The following GLIS1 variants were observed in gnomAD, a reference collection of about 807,000 sequenced individuals.
GLIS1 encodes the protein zinc finger protein GLIS1.
GLIS1 carries 24 observed loss-of-function variants against 63.8 expected under a neutral mutation model. The ratio of observed to expected loss-of-function variants is 0.38; its 90% confidence interval spans 0.27 to 0.53. The LOEUF (loss-of-function observed/expected upper bound fraction) is 0.53. Among genes scored for constraint, GLIS1 ranks in the 20% least tolerant of loss-of-function variants. GLIS1 has a pLI of 0.85. For missense variants in GLIS1, 1,036 were observed against 1,074.1 expected (o/e 0.96, Z 0.50); for synonymous variants, 450 against 482.5 (o/e 0.93, Z 0.88).
intron 2 of GLIS1, among the ~76,000 whole-genome samples, chr1:53,698,335 G>A (rs1236760856): frequency 6.6e-6 from 1 of 152,174 alleles, no homozygotes; most frequent in Non-Finnish European, 1.5e-5. Flanking sequence ...AGTCCCTGAT[G>A]TCAAGGAACA....
At chr1:53,546,011 A>G (rs955032776) in intron 4 of GLIS1, among the ~76,000 whole-genome samples, 12 of 152,234 alleles carry the variant, frequency 7.9e-5, no homozygotes, top group Admixed American at 7.2e-4. Context: ...AGGATTAAGG[A>G]AGACATGGAT....
intron 2 of GLIS1, among the ~76,000 whole-genome samples, chr1:53,712,977 G>A (rs1216409146): frequency 6.6e-6 from 1 of 152,174 alleles, no homozygotes; most frequent in African/African-American, 2.4e-5. Context: ...GAGGCAGAGA[G>A]AAACCAAGGT....
intron 2 of GLIS1, among the ~76,000 whole-genome samples, chr1:53,652,491 T>C (rs897423283): frequency 3.3e-5 from 5 of 152,114 alleles, no homozygotes; most frequent in African/African-American, 1.2e-4. Flanking sequence ...CCAGGGGATC[T>C]CTGGAAGCCC....
At chr1:53,660,935 G>T (rs1646021158) in intron 2 of GLIS1, among the ~76,000 whole-genome samples, 1 of 152,200 alleles carries the variant, frequency 6.6e-6, no homozygotes, top group Admixed American at 6.5e-5. Flanking sequence ...ATTCACCACA[G>T]GGGGAGGTGG....
chr1:53,733,285 ATTTTGTT>A (rs952136274), intron 2 of GLIS1, among the ~76,000 whole-genome samples: 15 of 152,276 alleles, frequency 9.9e-5, no homozygotes, highest in South Asian at 2.1e-4. Context: ...GATGAGGTTC[ATTTTGTT>A]TTTTGTTTTT....
intron 3 of GLIS1, among the ~76,000 whole-genome samples, chr1:53,599,828 C>T (rs1333252077): frequency 6.6e-6 from 1 of 152,244 alleles, no homozygotes; most frequent in Non-Finnish European, 1.5e-5. Flanking sequence ...CCAACCTACC[C>T]ATGAATCTTC....
In GLIS1 at chr1:53,677,799, A is replaced by G. The variant is rs554389834; in HGVS notation, c.259+60007T>C. ...TCTGTCATCACCTCAAGAACTGCCC[A>G]TCTGTAGGCGTTCCTCCAAGCCTTC... On this transcript the variant is annotated intron_variant, in intron 2 of 10. Coordinates refer to ENST00000628545, the MANE Select transcript of GLIS1 (RefSeq NM_001367484.1). Among the ~76,000 whole-genome samples, 14 of 152,234 alleles carry G rather than the reference A, an allele frequency of 9.2e-5. 1 individual carries two copies. The South Asian group carries it at 1.5e-3, about 16-fold the overall frequency.
chr1:53,584,112 G>A (rs1369415627), intron 4 of GLIS1, among the ~76,000 whole-genome samples: 1 of 152,144 alleles, frequency 6.6e-6, no homozygotes, highest in Admixed American at 6.5e-5. Flanking sequence ...GAGCCCCAGT[G>A]TCCTCATCTG....
chr1:53,551,411 C>T (rs1202440060), intron 4 of GLIS1, among the ~76,000 whole-genome samples: 2 of 152,204 alleles, frequency 1.3e-5, no homozygotes, highest in Non-Finnish European at 2.9e-5. Flanking sequence ...AGGCCTTATG[C>T]AGAGGAGGGA....
chr1:53,594,247 C>G lies in GLIS1; in HGVS notation c.1181G>C (p.Ser394Thr). The G allele has an allele frequency of 6.2e-7, 1 of 1,613,754 alleles. No individual in the cohort carries two copies. The highest frequency in any genetic ancestry group is 8.5e-7 in the Non-Finnish European group (1 of 1,179,980). Residue 394 changes from serine (S) to threonine (T), a missense_variant, in exon 4 of 11, where the codon AGC (serine) becomes ACC (threonine). Ser to Thr is a moderately conservative substitution (Grantham distance 58). Around this residue, in one of 3 missense-constraint regions of GLIS1, gnomAD observed 592 missense variants for 593.9 expected, o/e 1.00. Transcript: ENST00000628545. ...QEELVRHIEK[S>T]HIDQRKGEDF... ...CTCGCCCTTGCGCTGGTCGATGTGG[C>G]TCTTCTCGATGTGCCGCACCAGCTC...
chr1:53,690,966 C>T (rs776906683), intron 2 of GLIS1, among the ~76,000 whole-genome samples: 2 of 152,200 alleles, frequency 1.3e-5, no homozygotes, highest in South Asian at 4.1e-4. Flanking sequence ...ATCTTCCTGA[C>T]GTTGTCCAGC....
In GLIS1 at chr1:53,529,965, C is replaced by T. The variant is rs192464845; in HGVS notation, c.1321-13G>A. ...TGCAGCCTTCAAACTGCAGGAGAGG[C>T]TGGTGAGGGGAACTCCCAGCCCGGT... is the stretch of plus-strand genomic sequence containing the variant. On this transcript the variant is annotated splice_polypyrimidine_tract_variant and intron_variant, in intron 4 of 10. Coordinates refer to ENST00000628545, the MANE Select transcript of GLIS1 (RefSeq NM_001367484.1). The T allele has an allele frequency of 5.5e-5, 88 of 1,611,040 alleles. No individual in the cohort carries two copies. The highest frequency in any genetic ancestry group is 2.7e-4 in the Admixed American group (16 of 59,878).
chr1:53,722,381 C>G (rs772284612), intron 2 of GLIS1, among the ~76,000 whole-genome samples: 3 of 152,132 alleles, frequency 2.0e-5, no homozygotes, highest in Non-Finnish European at 1.5e-5. Flanking sequence ...TATGCACATG[C>G]AAGTAATATA....
At chr1:53,542,133 A>T (rs1214197512) in intron 4 of GLIS1, among the ~76,000 whole-genome samples, 1 of 152,224 alleles carries the variant, frequency 6.6e-6, no homozygotes, top group Non-Finnish European at 1.5e-5. Context: ...CAGCAGACTC[A>T]GCCAGAGGAG....
chr1:53,691,324 C>T (rs1646402600), intron 2 of GLIS1, among the ~76,000 whole-genome samples: 1 of 152,192 alleles, frequency 6.6e-6, no homozygotes, highest in Non-Finnish European at 1.5e-5. Flanking sequence ...CCATCTGACC[C>T]AGCCCTGCTC....
At position 53,646,962 on chromosome 1, in the gene GLIS1, A is replaced by G. The variant is rs939427135; in HGVS notation, c.260-46684T>C. ...GAAGGAAAGGGAAGGGAAGGGAAGG[A>G]AAGGAAGGAAAGGAAGGAAAGGAAG... On this transcript the variant is annotated intron_variant, in intron 2 of 10. Coordinates refer to ENST00000628545, the MANE Select transcript of GLIS1 (RefSeq NM_001367484.1). The surrounding 1 kb of genome is among the most constrained non-coding windows in gnomAD (Gnocchi z 4.2). Among the ~76,000 whole-genome samples the G allele has an allele frequency of 8.9e-5, 9 of 101,414 alleles. No individual in the cohort carries two copies. Among genetic ancestry groups the G allele is most frequent in the African/African-American group, 3.5e-4 (8 of 22,790 alleles). 66.5% of individuals were successfully genotyped at this position (101,414 alleles called of 152,430 possible).
intron 2 of GLIS1, among the ~76,000 whole-genome samples, chr1:53,683,696 G>T (rs1557520131): frequency 6.6e-6 from 1 of 152,176 alleles, no homozygotes; most frequent in Non-Finnish European, 1.5e-5. Flanking sequence ...AATGACCGAG[G>T]TGCCCGGTAA....
chr1:53,610,769 G>A (rs77939835), intron 2 of GLIS1, among the ~76,000 whole-genome samples: 2,011 of 152,206 alleles, frequency 0.013, 12 homozygotes, highest in Non-Finnish European at 0.021. Context: ...TACTTTGCTC[G>A]TCGTCTTTCC....
chr1:53,700,147 C>T (rs540673825), intron 2 of GLIS1, among the ~76,000 whole-genome samples: 2 of 152,262 alleles, frequency 1.3e-5, no homozygotes, highest in East Asian at 3.9e-4. Context: ...CATGCTACCT[C>T]AAATGGGAAC....
Sources: gnomAD v4.1 joint callset for allele counts (sites outside exome capture counted in the v4.1 genomes callset) on GRCh38, gnomAD v4.1.1 for gene constraint, gnomAD v4.1.1 regional missense constraint, Gnocchi (gnomAD v3.1) non-coding constraint, MANE v1.5 for transcripts, NCBI Gene and HGNC (gene_info 2026-07-23, HGNC 2026-07-21) for gene names.